FOXN3: variants seen among roughly 807,000 people sequenced by gnomAD.
The protein encoded by FOXN3 is forkhead box protein N3.
Under a neutral mutation model 38.4 loss-of-function variants are expected in FOXN3, and 7 were observed. The ratio of observed to expected loss-of-function variants is 0.18; its 90% CI spans 0.10 to 0.34. The LOEUF is 0.34. FOXN3 is among the 10% of genes least tolerant of loss of function. The pLI, the probability that FOXN3 is intolerant of heterozygous loss-of-function variation, is 1.00. For missense variants in FOXN3, 456 were observed against 613.4 expected, an observed-to-expected ratio of 0.74 and a Z score of 2.71; for synonymous variants, 230 against 242.2, an observed-to-expected ratio of 0.95 and a Z score of 0.47.
intron 4 of FOXN3, among the ~76,000 whole-genome samples, chr14:89,239,875 C>T (rs1244114401): frequency 6.6e-6 from 1 of 152,120 alleles, no homozygotes; most frequent in African/African-American, 2.4e-5. Flanking sequence ...AGACTGAGAC[C>T]CAGAGAAGGT....
intron 4 of FOXN3, among the ~76,000 whole-genome samples, chr14:89,216,859 T>C (rs1884300346): frequency 3.3e-5 from 5 of 152,172 alleles, no homozygotes; most frequent in Admixed American, 3.3e-4. Flanking sequence ...GTGGCTGTCA[T>C]CAAAACCTTC....
chr14:89,285,380 A>G (rs150107598), intron 3 of FOXN3, among the ~76,000 whole-genome samples: 87 of 152,218 alleles, frequency 5.7e-4, no homozygotes, highest in Non-Finnish European at 1.2e-3. Context: ...TTAGCCAGGC[A>G]TGGTGGCGCA....
intron 1 of FOXN3, among the ~76,000 whole-genome samples, chr14:89,613,344 C>T (rs907463644): frequency 1.3e-5 from 2 of 152,086 alleles, no homozygotes; most frequent in South Asian, 2.1e-4. Flanking sequence ...AAAAGAAAGT[C>T]CCCCAAACCA....
rs538510156 is a variant in FOXN3, at chr14:89,478,848, C to T, written c.-14-66358G>A. 2.4e-4 allele frequency among the ~76,000 whole-genome samples: 34 copies of T among 139,154 alleles called. No individual in the cohort carries two copies. In the Admixed American group the frequency reaches 2.8e-3, roughly 11 times the overall value. 91.3% of individuals were successfully genotyped at this position (139,154 alleles called of 152,430 possible). On this transcript the variant is annotated intron_variant, in intron 1 of 6. Transcript: ENST00000345097. ...TCTGGAGGCTGAGGCACGAGAATCG[C>T]TTCAACCCAGGAGGCGGAGGTTGCA...
intron 3 of FOXN3, among the ~76,000 whole-genome samples, chr14:89,306,105 C>T (rs1232244811): frequency 6.6e-6 from 1 of 152,236 alleles, no homozygotes; most frequent in Admixed American, 6.5e-5. Context: ...CTGCCTTTGT[C>T]TGCATTCTCA....
At chr14:89,579,707 C>T (rs1353567999) in intron 1 of FOXN3, among the ~76,000 whole-genome samples, 3 of 152,128 alleles carry the variant, frequency 2.0e-5, no homozygotes, top group African/African-American at 7.2e-5. Context: ...AAGGCTAGCC[C>T]CTTCCATGCA....
At chr14:89,370,084 GTTTTC>G (rs1890273092) in intron 2 of FOXN3, among the ~76,000 whole-genome samples, 1 of 21,790 alleles carries the variant, frequency 4.6e-5, no homozygotes, top group Non-Finnish European at 9.0e-5. Context: ...GTGCACACAC[GTTTTC>G]TTTAATTATT....
intron 4 of FOXN3, among the ~76,000 whole-genome samples, chr14:89,280,095 C>A (rs1886414185): frequency 2.0e-5 from 3 of 152,156 alleles, no homozygotes; most frequent in Admixed American, 1.3e-4. Flanking sequence ...GCCAGCAGGG[C>A]CTGTCTGACT....
Position 89,488,624 on chromosome 14 carries a change from C to CAA in FOXN3, c.-14-76136_-14-76135dup, listed in dbSNP as rs34611131. On this transcript the variant is annotated intron_variant, in intron 1 of 6. Coordinates refer to the FOXN3 transcript ENST00000345097. ...CCATGATGGTGCCATTGCCCCATCT[C>CAA]AAAAAAAAAAAAAAAACTACATCCA... 5.0e-3 allele frequency among the ~76,000 whole-genome samples: 592 copies of CAA among 119,364 alleles called. 3 individuals carry two copies. The highest frequency in any genetic ancestry group is 0.039 in the South Asian group (144 of 3,720). 78.3% of individuals were successfully genotyped at this position (119,364 alleles called of 152,430 possible). A position where few individuals can be genotyped will look rare whatever the true frequency, so the allele number is the denominator to read the frequency against.
In FOXN3 at chr14:89,351,023, A is replaced by G. The variant is rs143564468; in HGVS notation, c.544-215T>C. ...TGATAGGCAAAATGAACATATTATT[A>G]CCAGGTTATGGTGATACAACAATAT... On this transcript the variant is annotated intron_variant, in intron 2 of 5. Coordinates refer to ENST00000557258, the MANE Select transcript of FOXN3 (RefSeq NM_005197.4). 1.7e-4 allele frequency: 62 copies of G among 362,470 alleles called. No individual in the cohort carries two copies. The Admixed American group carries it at 2.7e-3, about 16-fold the overall frequency. The allele number at this position is 362,470 out of a possible 1,614,324, so 22.5% of individuals were successfully genotyped here. A position where few individuals can be genotyped will look rare whatever the true frequency, so the allele number is the denominator to read the frequency against.
intron 1 of FOXN3, among the ~76,000 whole-genome samples, chr14:89,612,707 C>G (rs1896417434): frequency 6.6e-6 from 1 of 151,948 alleles, no homozygotes; most frequent in Non-Finnish European, 1.5e-5. Context: ...GGTGGAAAGA[C>G]TGCTTGAGCC....
At chr14:89,350,188 G>A (rs1298815898) in intron 3 of FOXN3, 1 of 152,294 alleles carries the variant, frequency 6.6e-6, no homozygotes, top group Non-Finnish European at 1.5e-5. Flanking sequence ...TCTCCTTGAA[G>A]AAGCAAAGAC....
chr14:89,253,709 GCCTCCT>G (rs903042090), intron 4 of FOXN3, among the ~76,000 whole-genome samples: 6 of 151,826 alleles, frequency 4.0e-5, no homozygotes, highest in East Asian at 1.9e-4. Context: ...TAAATCTTTG[GCCTCCT>G]CCTCCTCCTC....
chr14:89,251,621 C>T (rs76304124), intron 4 of FOXN3, among the ~76,000 whole-genome samples: 1,613 of 152,314 alleles, frequency 0.011, 29 homozygotes, highest in African/African-American at 0.037. Flanking sequence ...ATTAAGAGTA[C>T]ATGGACCTAA....
chr14:89,403,776 C>T (rs1026788234), intron 2 of FOXN3, among the ~76,000 whole-genome samples: 6 of 152,200 alleles, frequency 3.9e-5, no homozygotes, highest in Admixed American at 2.6e-4. Flanking sequence ...ATAGGGCCCT[C>T]GGGCCCAGAA....
chr14:89,524,261 C>T (rs1237226484), intron 1 of FOXN3, among the ~76,000 whole-genome samples: 2 of 145,154 alleles, frequency 1.4e-5, no homozygotes, highest in African/African-American at 5.0e-5. Context: ...GTAGTCCCAG[C>T]TACTCGGGAG....
chr14:89,382,107 C>T (rs958921032), intron 2 of FOXN3, among the ~76,000 whole-genome samples: 3 of 152,170 alleles, frequency 2.0e-5, no homozygotes, highest in South Asian at 2.1e-4. Context: ...CTATTCCCCT[C>T]GCCTCTAAGC....
At chr14:89,486,326 T>A (rs962105406) in intron 1 of FOXN3, among the ~76,000 whole-genome samples, 3 of 152,208 alleles carry the variant, frequency 2.0e-5, no homozygotes, top group African/African-American at 7.2e-5. Flanking sequence ...ACACCAGAAT[T>A]TTAAATAAAG....
At position 89,180,744 on chromosome 14, in the gene FOXN3, G is replaced by T. The variant is rs142179906; in HGVS notation, c.808C>A (p.Arg270=). ...CCAATGGGAGTGATTGGCAGCGGCC[G>T]CACGCCAGGAAACAGCCCTCGGCTC... ...VLSRGLFPGV[R]PLPITPIGVT... is the part of the protein sequence containing the mutation. Residue 270 remains arginine (R), a synonymous_variant, in exon 5 of 6, where the codon CGG becomes AGG. Transcript: ENST00000557258. The T allele has an allele frequency of 1.9e-6, 3 of 1,611,904 alleles. No homozygotes were observed. Among genetic ancestry groups the T allele is most frequent in the Non-Finnish European group, 2.5e-6 (3 of 1,179,086 alleles).
Sources: gnomAD v4.1 joint callset for allele counts (sites outside exome capture counted in the v4.1 genomes callset) on GRCh38, gnomAD v4.1.1 for gene constraint, MANE v1.5 for transcripts, NCBI Gene and HGNC (gene_info 2026-07-23, HGNC 2026-07-21) for gene names.